The following PRKCE variants were observed in gnomAD, a reference collection of about 807,000 sequenced individuals.
PRKCE encodes protein kinase C epsilon.
Under a neutral mutation model 85.4 loss-of-function variants are expected in PRKCE, and 16 were observed. The ratio of observed to expected loss-of-function variants is 0.19; its 90% CI spans 0.13 to 0.28. The LOEUF (loss-of-function observed/expected upper bound fraction) is 0.28. Among genes scored for constraint, PRKCE ranks in the 10% least tolerant of loss-of-function variants. PRKCE has a pLI of 1.00. For synonymous variants in PRKCE, 388 were observed against 371.5 expected, an observed-to-expected ratio of 1.04 and a Z score of -0.51; for missense variants, 573 against 975.2, an observed-to-expected ratio of 0.59 and a Z score of 5.49.
intron 2 of PRKCE, among the ~76,000 whole-genome samples, chr2:45,899,375 A>T (rs536732938): frequency 2.1e-4 from 31 of 149,996 alleles, no homozygotes; most frequent in Middle Eastern, 3.4e-3. Context: ...TTTTTAAAAA[A>T]TTTTTTTTCT....
chr2:45,661,622 G>A (rs1466607399), intron 1 of PRKCE, among the ~76,000 whole-genome samples: 4 of 139,604 alleles, frequency 2.9e-5, no homozygotes, highest in Admixed American at 8.0e-5. Flanking sequence ...TCCGCCTCCC[G>A]GGTTCACACC....
chr2:45,860,624 T>C (rs1363958853), intron 2 of PRKCE, among the ~76,000 whole-genome samples: 1 of 152,076 alleles, frequency 6.6e-6, no homozygotes, highest in Non-Finnish European at 1.5e-5. Flanking sequence ...TGCATGTGAG[T>C]GCTGGGGAGG....
chr2:45,999,476 T>A (rs896240424), intron 6 of PRKCE, among the ~76,000 whole-genome samples: 1 of 152,156 alleles, frequency 6.6e-6, no homozygotes, highest in Non-Finnish European at 1.5e-5. Context: ...GTAAAACTTT[T>A]TTTTTTCCTT....
chr2:45,952,336 G>A (rs1340427317), intron 2 of PRKCE, among the ~76,000 whole-genome samples: 1 of 152,210 alleles, frequency 6.6e-6, no homozygotes, highest in Non-Finnish European at 1.5e-5. Flanking sequence ...GGCCTCGCAA[G>A]CGTACATAAG....
intron 1 of PRKCE, among the ~76,000 whole-genome samples, chr2:45,791,454 AC>A (rs568800600): frequency 5.3e-5 from 8 of 152,226 alleles, no homozygotes; most frequent in Middle Eastern, 3.4e-3. Flanking sequence ...GTTTCAGGCT[AC>A]CCTGTGGGCC....
At chr2:45,692,347 C>T (rs1036998562) in intron 1 of PRKCE, among the ~76,000 whole-genome samples, 3 of 152,120 alleles carry the variant, frequency 2.0e-5, no homozygotes, top group Non-Finnish European at 4.4e-5. Flanking sequence ...TTTCCACCTT[C>T]TGGTAGCCCC....
At chr2:45,935,445 C>G (rs1238647784) in intron 2 of PRKCE, among the ~76,000 whole-genome samples, 1 of 152,118 alleles carries the variant, frequency 6.6e-6, no homozygotes, top group African/African-American at 2.4e-5. Flanking sequence ...CATACTATAC[C>G]ATGTTTATAA....
Position 45,774,630 on chromosome 2 carries a change from G to C in PRKCE, c.349-68370G>C, listed in dbSNP as rs560536938. 6.6e-6 allele frequency among the ~76,000 whole-genome samples: 1 copy of C among 152,292 alleles called. No individual in the cohort carries two copies. The highest frequency in any genetic ancestry group is 2.4e-5 in the African/African-American group (1 of 41,580). ...CCTGTGGGGTAGGGTTGCACTGAGA[G>C]GGGTATTCTGAAGCCACAGGCCCAG... is the stretch of plus-strand genomic sequence containing the variant. On this transcript the variant is annotated intron_variant, in intron 1 of 14. Transcript: ENST00000306156. This position sits in a 1 kb window ranked among gnomAD's most constrained non-coding sequence, Gnocchi z 4.3.
At chr2:45,998,676 A>C (rs1704417788) in intron 6 of PRKCE, among the ~76,000 whole-genome samples, 1 of 152,218 alleles carries the variant, frequency 6.6e-6, no homozygotes, top group Non-Finnish European at 1.5e-5. Flanking sequence ...GATTATTGAC[A>C]TACTTGGGTT....
At chr2:45,931,817 G>T (rs532132852) in intron 2 of PRKCE, among the ~76,000 whole-genome samples, 1 of 151,920 alleles carries the variant, frequency 6.6e-6, no homozygotes, top group Admixed American at 6.6e-5. Context: ...AGCGATTCTC[G>T]TGCCTCAGCC....
intron 1 of PRKCE, among the ~76,000 whole-genome samples, chr2:45,782,918 C>G (rs964524320): frequency 5.9e-5 from 9 of 152,280 alleles, no homozygotes; most frequent in Admixed American, 5.9e-4. Flanking sequence ...GGAGACAGTT[C>G]ACGAGAAACA....
intron 2 of PRKCE, among the ~76,000 whole-genome samples, chr2:45,945,561 A>G (rs115907068): frequency 1.3e-5 from 2 of 152,310 alleles, no homozygotes; most frequent in Admixed American, 6.5e-5. Context: ...CGTCGAAACT[A>G]TATCAGCCAG....
At chr2:45,679,576 G>A (rs1322328600) in intron 1 of PRKCE, among the ~76,000 whole-genome samples, 3 of 152,218 alleles carry the variant, frequency 2.0e-5, no homozygotes, top group Non-Finnish European at 4.4e-5. Context: ...GCTCATGGGT[G>A]TACAGGTTGT....
At chr2:46,129,526 C>A (rs553006443) in intron 11 of PRKCE, among the ~76,000 whole-genome samples, 1 of 152,318 alleles carries the variant, frequency 6.6e-6, no homozygotes, top group African/African-American at 2.4e-5. Context: ...GCGCATGTCA[C>A]GTGGTAGTCA....
At chr2:46,047,221 G>T (rs1262786255) in intron 10 of PRKCE, among the ~76,000 whole-genome samples, 8 of 152,112 alleles carry the variant, frequency 5.3e-5, no homozygotes, top group African/African-American at 1.9e-4. Flanking sequence ...TCATTGAACT[G>T]CCCTCCTTGT....
intron 6 of PRKCE, among the ~76,000 whole-genome samples, chr2:45,985,659 G>A (rs1017143288): frequency 5.3e-5 from 8 of 152,166 alleles, no homozygotes; most frequent in Non-Finnish European, 1.2e-4. Context: ...GGCTGCAGTG[G>A]GAATGAAGAG....
intron 4 of PRKCE, among the ~76,000 whole-genome samples, 175 bp downstream of exon 4, chr2:45,979,185 G>A (rs1273693368): frequency 6.6e-6 from 1 of 152,198 alleles, no homozygotes; most frequent in Non-Finnish European, 1.5e-5. Flanking sequence ...TATATGGGAG[G>A]CATTTGCAGG....
At chr2:45,987,217 A>C (rs1235661414) in intron 6 of PRKCE, among the ~76,000 whole-genome samples, 1 of 152,138 alleles carries the variant, frequency 6.6e-6, no homozygotes, top group Non-Finnish European at 1.5e-5. Context: ...CTTGTTGGGC[A>C]GGAAATGCTC....
chr2:45,929,438 C>G (rs1698871523), intron 2 of PRKCE, among the ~76,000 whole-genome samples: 1 of 152,092 alleles, frequency 6.6e-6, no homozygotes, highest in Non-Finnish European at 1.5e-5. Context: ...CCATTTATCC[C>G]CCCACGGGAC....
Sources: allele counts gnomAD v4.1 joint callset (sites outside exome capture counted in the v4.1 genomes callset), GRCh38; gene constraint gnomAD v4.1.1; non-coding constraint Gnocchi (gnomAD v3.1); transcripts MANE v1.5; gene names NCBI Gene and HGNC (gene_info 2026-07-23, HGNC 2026-07-21).